Variants in NRXN3 observed in about 807,000 individuals in gnomAD.
NRXN3 encodes the protein neurexin 3, also known as neurexin III.
Under a neutral mutation model 137.6 loss-of-function variants are expected in NRXN3, and 32 were observed. The observed-to-expected ratio is 0.23, with a 90% confidence interval of 0.18 to 0.31. The LOEUF (loss-of-function observed/expected upper bound fraction) is 0.31. Among genes scored for constraint, NRXN3 ranks in the 10% least tolerant of loss-of-function variants. The pLI is 1.00. For missense variants in NRXN3, 1,574 were observed against 2,062.5 expected, an observed-to-expected ratio of 0.76 and a Z score of 4.59; for synonymous variants, 798 against 784.5, an observed-to-expected ratio of 1.02 and a Z score of -0.29.
chr14:79,588,829 A>G (rs1334141659), intron 16 of NRXN3, among the ~76,000 whole-genome samples: 1 of 152,236 alleles, frequency 6.6e-6, no homozygotes, highest in East Asian at 1.9e-4. Flanking sequence ...TTTGTGGGGT[A>G]CATGAGATGT....
At chr14:79,615,200 G>A (rs1023082497) in intron 16 of NRXN3, among the ~76,000 whole-genome samples, 1 of 152,198 alleles carries the variant, frequency 6.6e-6, no homozygotes, top group South Asian at 2.1e-4. Flanking sequence ...GGAGCTTAGA[G>A]AATATGTACA....
At chr14:78,278,828 G>A (rs1029223461) in intron 3 of NRXN3, among the ~76,000 whole-genome samples, 166 bp downstream of exon 3, 7 of 152,076 alleles carry the variant, frequency 4.6e-5, no homozygotes, top group African/African-American at 9.7e-5. Context: ...GATTTGTATT[G>A]GTTTTGAAGA....
intron 4 of NRXN3, among the ~76,000 whole-genome samples, chr14:78,509,594 A>G (rs901824217): frequency 6.6e-5 from 10 of 152,080 alleles, no homozygotes; most frequent in African/African-American, 1.2e-4. Context: ...TGACCTCTCT[A>G]TTGACCACAG....
intron 10 of NRXN3, among the ~76,000 whole-genome samples, chr14:78,837,756 A>G (rs1422140336): frequency 6.6e-6 from 1 of 152,256 alleles, no homozygotes; most frequent in South Asian, 2.1e-4. Context: ...CACATCAGTT[A>G]TTTGGGCTTC....
chr14:79,818,741 C>T (rs1376409135), intron 20 of NRXN3, among the ~76,000 whole-genome samples: 1 of 152,146 alleles, frequency 6.6e-6, no homozygotes, highest in Non-Finnish European at 1.5e-5. Context: ...TTTTGTGGGT[C>T]TTTGAGTTTC....
intron 15 of NRXN3, among the ~76,000 whole-genome samples, chr14:79,269,809 T>G (rs1450868338): frequency 6.6e-6 from 1 of 151,670 alleles, no homozygotes; most frequent in African/African-American, 2.4e-5. Context: ...GAAAAAAAAA[T>G]GTTTGGTATT....
chr14:79,195,269 C>G (rs1324306610), intron 15 of NRXN3, among the ~76,000 whole-genome samples: 1 of 152,150 alleles, frequency 6.6e-6, no homozygotes, highest in Non-Finnish European at 1.5e-5. Flanking sequence ...TTGCCATCAT[C>G]TATCTCTCCA....
chr14:79,574,593 C>G (rs1016348023), intron 16 of NRXN3, among the ~76,000 whole-genome samples: 1 of 151,912 alleles, frequency 6.6e-6, no homozygotes, highest in African/African-American at 2.4e-5. Context: ...GTTCTTCTAC[C>G]CATGGGCCTC....
At chr14:79,077,726 TTTTATATAACTATAA>T (rs930543069) in intron 15 of NRXN3, among the ~76,000 whole-genome samples, 1 of 152,158 alleles carries the variant, frequency 6.6e-6, no homozygotes, top group African/African-American at 2.4e-5. Context: ...GTATGAGACA[TTTTATATAACTATAA>T]TATATAGGCC....
chr14:78,902,336 T>G (rs1287609679), intron 10 of NRXN3, among the ~76,000 whole-genome samples: 1 of 152,136 alleles, frequency 6.6e-6, no homozygotes, highest in Non-Finnish European at 1.5e-5. Context: ...ACCTGGGATG[T>G]GTTTGGTCAC....
At chr14:79,675,514 T>G (rs1202799907) in intron 17 of NRXN3, among the ~76,000 whole-genome samples, 1 of 152,102 alleles carries the variant, frequency 6.6e-6, no homozygotes, top group African/African-American at 2.4e-5. Context: ...CTACAGCTTT[T>G]ACTAATCCAT....
At chr14:79,793,701 A>G (rs926474319) in intron 19 of NRXN3, among the ~76,000 whole-genome samples, 5 of 152,210 alleles carry the variant, frequency 3.3e-5, no homozygotes, top group South Asian at 2.1e-4. Flanking sequence ...TCTTTCTTCA[A>G]TAGTCTATTT....
chr14:78,865,024 A>G (rs2099082989), intron 10 of NRXN3, among the ~76,000 whole-genome samples: 1 of 152,194 alleles, frequency 6.6e-6, no homozygotes, highest in Non-Finnish European at 1.5e-5. Flanking sequence ...GCTTTCTCAA[A>G]TGCCAAGTTG....
At chr14:79,723,341 A>G (rs1379439328) in intron 19 of NRXN3, among the ~76,000 whole-genome samples, 2 of 152,020 alleles carry the variant, frequency 1.3e-5, no homozygotes, top group Non-Finnish European at 2.9e-5. Flanking sequence ...CCTTTTACAC[A>G]CTCCATTTCC....
At chr14:78,873,761 T>TGCATCCTG (rs1432714344) in intron 10 of NRXN3, among the ~76,000 whole-genome samples, 1 of 152,122 alleles carries the variant, frequency 6.6e-6, no homozygotes, top group Non-Finnish European at 1.5e-5. Context: ...CCCTGGGAGC[T>TGCATCCTG]TATTGGAAGT....
intron 4 of NRXN3, among the ~76,000 whole-genome samples, chr14:78,608,053 G>A (rs1246991569): frequency 2.0e-5 from 3 of 152,158 alleles, no homozygotes; most frequent in Non-Finnish European, 4.4e-5. Flanking sequence ...CCTTTGTTAA[G>A]AAAATAATGT....
rs1321933976 is a variant in NRXN3 at position 79,172,982 on chromosome 14, G to GT, written c.3262+184848dup. 2.0e-5 allele frequency among the ~76,000 whole-genome samples: 3 copies of GT among 152,022 alleles called. 1 individual carries two copies. The highest frequency in any genetic ancestry group is 6.3e-3 in the Middle Eastern group (2 of 316). ...ACAATTTAGTGGAGAGATGGAAAGT[G>GT]TTTTTTTGGCAAATGGTAGAAAGAT... On this transcript the variant is annotated intron_variant, in intron 15 of 20. Transcript: ENST00000335750.
intron 17 of NRXN3, among the ~76,000 whole-genome samples, chr14:79,668,511 C>CA (rs2098583166): frequency 1.3e-5 from 2 of 152,118 alleles, no homozygotes; most frequent in South Asian, 4.1e-4. Context: ...TCCTGATCCT[C>CA]AGACTGCACA....
chr14:79,347,105 G>A (rs1045781796), intron 15 of NRXN3, among the ~76,000 whole-genome samples: 1 of 152,110 alleles, frequency 6.6e-6, no homozygotes, highest in Non-Finnish European at 1.5e-5. Flanking sequence ...CAAGGGGAGC[G>A]TGGCCATGCT....
Sources: gnomAD v4.1 joint callset for allele counts (sites outside exome capture counted in the v4.1 genomes callset) on GRCh38, gnomAD v4.1.1 for gene constraint, MANE v1.5 for transcripts, NCBI Gene and HGNC (gene_info 2026-07-23, HGNC 2026-07-21) for gene names.